Variants in RSRC1 observed in about 807,000 individuals in gnomAD.
RSRC1 encodes serine/Arginine-related protein 53.
Under a neutral mutation model 49.1 loss-of-function variants are expected in RSRC1, and 39 were observed. That is an observed-to-expected ratio of 0.79 (90% CI 0.61 to 1.04). The LOEUF (loss-of-function observed/expected upper bound fraction) is 1.04, where lower values mean the gene tolerates loss of function less well. Among genes scored for constraint, RSRC1 ranks in the 50% least tolerant of loss-of-function variants. The pLI is 0.00. For synonymous variants in RSRC1, 143 were observed against 130.8 expected, an observed-to-expected ratio of 1.09 and a Z score of -0.63; for missense variants, 388 against 402.4, an observed-to-expected ratio of 0.96 and a Z score of 0.31.
intron 4 of RSRC1, among the ~76,000 whole-genome samples, chr3:158,255,540 A>T (rs1015963569): frequency 1.3e-5 from 2 of 152,086 alleles, no homozygotes; most frequent in African/African-American, 2.4e-5. Context: ...ATTGACTTGG[A>T]GATGCGGGCT....
At chr3:158,217,766 G>GT (rs982699219) in intron 4 of RSRC1, among the ~76,000 whole-genome samples, 52 of 30,970 alleles carry the variant, frequency 1.7e-3, no homozygotes, top group East Asian at 5.2e-3. Flanking sequence ...GTGTGTGTGT[G>GT]GGGGGGGAAT....
intron 5 of RSRC1, among the ~76,000 whole-genome samples, chr3:158,316,545 C>T (rs533560017): frequency 6.7e-5 from 10 of 149,488 alleles, no homozygotes; most frequent in Non-Finnish European, 1.3e-4. Context: ...CCGGGGTTCA[C>T]GCCATTCTCC....
At position 158,217,690 on chromosome 3, in the gene RSRC1, A is replaced by G. The variant is rs576666495; in HGVS notation, c.494+14445A>G. 4.1e-3 allele frequency among the ~76,000 whole-genome samples: 619 copies of G among 150,254 alleles called. 6 individuals are homozygous for G. Among genetic ancestry groups the G allele is most frequent in the Middle Eastern group, 6.8e-3 (2 of 294 alleles). On this transcript the variant is annotated intron_variant, in intron 4 of 9. Transcript: ENST00000611884. Reference sequence around the variant, plus strand: ...TGCCAGGCACTGGGTTGTGTCTTGGAGATTCATTCCATGGTGATGGATAAT... The same window carrying G: ...TGCCAGGCACTGGGTTGTGTCTTGGGGATTCATTCCATGGTGATGGATAAT...
At chr3:158,228,403 A>G (rs1005202035) in intron 4 of RSRC1, among the ~76,000 whole-genome samples, 2 of 150,264 alleles carry the variant, frequency 1.3e-5, no homozygotes, top group Non-Finnish European at 3.0e-5. Context: ...AGAGGGTAGT[A>G]TTACCTTTAT....
intron 6 of RSRC1, among the ~76,000 whole-genome samples, chr3:158,438,555 A>T (rs1321583998): frequency 6.6e-6 from 1 of 152,218 alleles, no homozygotes; most frequent in Non-Finnish European, 1.5e-5. Context: ...CCTGACAAAA[A>T]CAAGCAATGG....
Position 158,483,724 on chromosome 3 carries a change from A to G in RSRC1, c.652+22721A>G, listed in dbSNP as rs182975667. Among the ~76,000 whole-genome samples the G allele has an allele frequency of 5.4e-3, 815 of 152,220 alleles. 8 individuals carry two copies. The highest frequency in any genetic ancestry group is 0.019 in the African/African-American group (778 of 41,582). On this transcript the variant is annotated intron_variant, in intron 7 of 9. Coordinates refer to ENST00000611884, the MANE Select transcript of RSRC1 (RefSeq NM_001271838.2). Reference sequence around the variant, plus strand: ...CAAATTTAAGTTTGTTCATTTAAAAAGTAAGTTTATATTAATTTTATTCTC... The same window carrying G: ...CAAATTTAAGTTTGTTCATTTAAAAGGTAAGTTTATATTAATTTTATTCTC...
At chr3:158,252,160 ATT>A (rs34449906) in intron 4 of RSRC1, among the ~76,000 whole-genome samples, 4 of 142,822 alleles carry the variant, frequency 2.8e-5, no homozygotes, top group African/African-American at 5.2e-5. Flanking sequence ...ATGATGAATG[ATT>A]TTTTTTTTTT....
intron 3 of RSRC1, among the ~76,000 whole-genome samples, chr3:158,158,417 A>G (rs1718012062): frequency 1.3e-5 from 2 of 152,298 alleles, no homozygotes; most frequent in South Asian, 4.1e-4. Context: ...GGGATATTAT[A>G]ATTATATATT....
chr3:158,463,726 A>G (rs1220116238), intron 7 of RSRC1, among the ~76,000 whole-genome samples: 1 of 152,132 alleles, frequency 6.6e-6, no homozygotes, highest in African/African-American at 2.4e-5. Flanking sequence ...TTAAATCAAT[A>G]ACATAATTAT....
intron 4 of RSRC1, among the ~76,000 whole-genome samples, chr3:158,232,487 G>A (rs1723021905): frequency 6.6e-6 from 1 of 152,052 alleles, no homozygotes; most frequent in East Asian, 1.9e-4. Context: ...CTGTGAACAC[G>A]TTGCTTGAAA....
At chr3:158,206,987 A>G (rs1436664012) in intron 4 of RSRC1, among the ~76,000 whole-genome samples, 2 of 152,188 alleles carry the variant, frequency 1.3e-5, no homozygotes, top group African/African-American at 4.8e-5. Flanking sequence ...AGCATTTGAC[A>G]TATATTATCT....
intron 7 of RSRC1, 95 bp downstream of exon 7, chr3:158,461,098 T>TTATGG: frequency 1.4e-6 from 1 of 739,542 alleles, no homozygotes; most frequent in South Asian, 2.5e-5. Context: ...TAAGGGTTAC[T>TTATGG]TCATGCTGTT....
intron 4 of RSRC1, among the ~76,000 whole-genome samples, chr3:158,273,387 T>A (rs1157347526): frequency 6.6e-6 from 1 of 152,154 alleles, no homozygotes; most frequent in African/African-American, 2.4e-5. Context: ...GGAAATAAGC[T>A]AAATATCTTT....
chr3:158,261,274 C>T (rs1327618638), intron 4 of RSRC1, among the ~76,000 whole-genome samples: 7 of 152,114 alleles, frequency 4.6e-5, no homozygotes, highest in African/African-American at 9.7e-5. Flanking sequence ...CAAAACTGTG[C>T]GTGGTCAGTC....
chr3:158,531,379 T>G (rs927508643), intron 7 of RSRC1, among the ~76,000 whole-genome samples: 1 of 151,984 alleles, frequency 6.6e-6, no homozygotes. Context: ...TTGTTTTTAA[T>G]AAAGCTTAGC....
intron 3 of RSRC1, among the ~76,000 whole-genome samples, chr3:158,176,205 T>C (rs2108244921): frequency 6.6e-6 from 1 of 152,152 alleles, no homozygotes; most frequent in East Asian, 1.9e-4. Context: ...GGAATCAATA[T>C]CGTGAAAATG....
intron 7 of RSRC1, among the ~76,000 whole-genome samples, chr3:158,513,733 G>T (rs968696668): frequency 1.3e-5 from 2 of 152,222 alleles, no homozygotes; most frequent in African/African-American, 4.8e-5. Flanking sequence ...TCATCTGGCT[G>T]TGAATCCATC....
intron 5 of RSRC1, among the ~76,000 whole-genome samples, chr3:158,311,934 T>C (rs1160179182): frequency 6.6e-6 from 1 of 152,022 alleles, no homozygotes; most frequent in East Asian, 1.9e-4. Context: ...CTTCAGAGAA[T>C]TGACCAACCA....
intron 4 of RSRC1, among the ~76,000 whole-genome samples, chr3:158,223,046 A>C (rs1292183312): frequency 6.6e-6 from 1 of 151,580 alleles, no homozygotes; most frequent in Non-Finnish European, 1.5e-5. Flanking sequence ...CTCCGCTGAA[A>C]CCTCCATTGT....
Sources: gnomAD v4.1 joint callset for allele counts (sites outside exome capture counted in the v4.1 genomes callset) on GRCh38, gnomAD v4.1.1 for gene constraint, MANE v1.5 for transcripts, NCBI Gene and HGNC (gene_info 2026-07-23, HGNC 2026-07-21) for gene names.